Variants in MACROD1 observed in about 807,000 individuals in gnomAD.
MACROD1 encodes mono-ADP ribosylhydrolase 1.
MACROD1 carries 31 observed loss-of-function variants against 41.4 expected under a neutral mutation model. The observed-to-expected ratio is 0.75, with a 90% CI of 0.56 to 1.01. The LOEUF is 1.01. Among genes scored for constraint, MACROD1 ranks in the 50% least tolerant of loss-of-function variants. The pLI is 0.00. For missense variants in MACROD1, 473 were observed against 460.0 expected, an observed-to-expected ratio of 1.03 and a Z score of -0.26; for synonymous variants, 252 against 203.4, an observed-to-expected ratio of 1.24 and a Z score of -2.03.
At position 64,132,952 on chromosome 11, in the gene MACROD1, AG is replaced by A. The variant is rs778686797; in HGVS notation, c.517+18286del. Reference sequence around the variant, plus strand: ...TGGTGACGGAGTTAGCTCTGGAACCAGGTCTGTCCGGGTTCCCCCCACTGCC... The same window carrying A: ...TGGTGACGGAGTTAGCTCTGGAACCAGTCTGTCCGGGTTCCCCCCACTGCC... On this transcript the variant is annotated intron_variant, in intron 3 of 10. Coordinates refer to ENST00000255681, the MANE Select transcript of MACROD1 (RefSeq NM_014067.4). Among the ~76,000 whole-genome samples the A allele has an allele frequency of 1.6e-3, 241 of 152,336 alleles. 2 individuals carry two copies. The highest frequency in any genetic ancestry group is 3.4e-3 in the Middle Eastern group (1 of 294).
At chr11:64,148,517 A>T (rs1945528327) in intron 3 of MACROD1, among the ~76,000 whole-genome samples, 1 of 152,186 alleles carries the variant, frequency 6.6e-6, no homozygotes, top group African/African-American at 2.4e-5. Context: ...CTTCAAAAAT[A>T]TAAATTTAAA....
intron 3 of MACROD1, among the ~76,000 whole-genome samples, chr11:64,099,160 A>C (rs2134550683): frequency 6.6e-6 from 1 of 152,342 alleles, no homozygotes; most frequent in South Asian, 2.1e-4. Flanking sequence ...TGACTGTCAT[A>C]ACATGAGAGT....
At chr11:64,003,879 C>T (rs320157) in intron 4 of MACROD1, among the ~76,000 whole-genome samples, 3,653 of 152,296 alleles carry the variant, frequency 0.024, 136 homozygotes, top group African/African-American at 0.081. Context: ...GCCCTGGTGG[C>T]CTCTTGTTGC....
intron 3 of MACROD1, among the ~76,000 whole-genome samples, chr11:64,048,893 C>T (rs1353544342): frequency 2.0e-5 from 3 of 152,032 alleles, no homozygotes; most frequent in African/African-American, 7.3e-5. Flanking sequence ...CTTGCCCTGT[C>T]CCCACAGAGC....
At chr11:64,087,356 G>C (rs1944412706) in intron 3 of MACROD1, among the ~76,000 whole-genome samples, 1 of 152,078 alleles carries the variant, frequency 6.6e-6, no homozygotes. Flanking sequence ...TGCCACCCCT[G>C]CCACCCCTGC....
intron 3 of MACROD1, among the ~76,000 whole-genome samples, chr11:64,048,141 T>C (rs1187886275): frequency 6.6e-6 from 1 of 152,172 alleles, no homozygotes; most frequent in Non-Finnish European, 1.5e-5. Context: ...GCAGGGGCCC[T>C]GCCCCCACGA....
At chr11:64,014,744 C>T (rs1249889921) in intron 4 of MACROD1, among the ~76,000 whole-genome samples, 1 of 152,212 alleles carries the variant, frequency 6.6e-6, no homozygotes, top group Non-Finnish European at 1.5e-5. Flanking sequence ...GACCTCCTGC[C>T]TGCCTGGCCC....
chr11:64,074,385 T>G (rs1944164139), intron 3 of MACROD1, among the ~76,000 whole-genome samples: 1 of 152,200 alleles, frequency 6.6e-6, no homozygotes, highest in African/African-American at 2.4e-5. Context: ...CAGTTTCTAA[T>G]AGCAGCTTCC....
At chr11:64,165,620 C>T in intron 1 of MACROD1, 77 bp downstream of exon 1, 1 of 1,277,482 alleles carries the variant, frequency 7.8e-7, no homozygotes, top group Non-Finnish European at 1.0e-6. Flanking sequence ...GGGCTGCTCG[C>T]TCGTTGGGGG....
chr11:64,148,240 G>A (rs1195851971), intron 3 of MACROD1, among the ~76,000 whole-genome samples: 1 of 152,148 alleles, frequency 6.6e-6, no homozygotes, highest in Non-Finnish European at 1.5e-5. Context: ...ATGGAGGAGG[G>A]TGGGGGGTTG....
intron 3 of MACROD1, among the ~76,000 whole-genome samples, chr11:64,078,548 G>A (rs1272991793): frequency 6.6e-6 from 1 of 152,222 alleles, no homozygotes. Flanking sequence ...CTGTCTGGGT[G>A]GGCAGTGGTG....
chr11:64,011,738 C>T (rs1359070013), intron 4 of MACROD1, among the ~76,000 whole-genome samples: 2 of 151,122 alleles, frequency 1.3e-5, no homozygotes, highest in African/African-American at 2.4e-5. Flanking sequence ...TGTGCGTGTT[C>T]GAACAATGGG....
chr11:64,127,477 C>A (rs1406970863), intron 3 of MACROD1, among the ~76,000 whole-genome samples: 1 of 152,100 alleles, frequency 6.6e-6, no homozygotes, highest in Non-Finnish European at 1.5e-5. Flanking sequence ...CCCCGAGGGT[C>A]AGCTCTGTTC....
rs149750641 is a variant in MACROD1, at chr11:64,149,118, T to C, written c.517+2121A>G. The C allele has an allele frequency of 1.9e-5, 13 of 683,024 alleles. No individual in the cohort carries two copies. The East Asian group carries it at 1.5e-3, about 78-fold the overall frequency. The allele number at this position is 683,024 out of a possible 1,614,324, so 42.3% of individuals were successfully genotyped here. On this transcript the variant is annotated intron_variant, in intron 3 of 10. Transcript: ENST00000255681. Reference sequence around the variant, plus strand: ...GCAGGGGGAGGTGAAAGCTGATCATTTGCAGGAGGTACCATGTCCCTCGGC... The same window carrying C: ...GCAGGGGGAGGTGAAAGCTGATCATCTGCAGGAGGTACCATGTCCCTCGGC...
At chr11:64,136,759 G>A (rs530468459) in intron 3 of MACROD1, among the ~76,000 whole-genome samples, 17 of 152,340 alleles carry the variant, frequency 1.1e-4, no homozygotes, top group Admixed American at 9.8e-4. Flanking sequence ...AGAACACATC[G>A]TGACGTGGAA....
At chr11:64,095,923 G>A (rs1044014285) in intron 3 of MACROD1, among the ~76,000 whole-genome samples, 8 of 152,292 alleles carry the variant, frequency 5.3e-5, no homozygotes, top group South Asian at 2.1e-4. Context: ...CAGAGCCTGG[G>A]TTCTCTGACA....
At chr11:64,108,813 C>T (rs905794479) in intron 3 of MACROD1, among the ~76,000 whole-genome samples, 10 of 152,178 alleles carry the variant, frequency 6.6e-5, no homozygotes, top group African/African-American at 2.4e-4. Context: ...TGCAAGGGAC[C>T]CCACCTGGGG....
rs199812488 is a variant in MACROD1, at chr11:64,054,544, T to C, written c.518-39263A>G. On this transcript the variant is annotated intron_variant, in intron 3 of 10. Transcript: ENST00000255681. ...CTCTGCTCAGAGGTGCCTGATGGGGTGCAGAGTGGCAGCCAGCCAGCAGGC... is the reference window on the plus strand; with the variant it reads ...CTCTGCTCAGAGGTGCCTGATGGGGCGCAGAGTGGCAGCCAGCCAGCAGGC... 8.5e-5 allele frequency among the ~76,000 whole-genome samples: 13 copies of C among 152,106 alleles called. No homozygotes were observed. In the East Asian group the frequency reaches 2.5e-3, roughly 29 times the overall value.
intron 3 of MACROD1, among the ~76,000 whole-genome samples, chr11:64,044,570 T>C (rs1340365149): frequency 1.3e-5 from 2 of 152,174 alleles, no homozygotes; most frequent in Non-Finnish European, 2.9e-5. Flanking sequence ...GCACTATTAT[T>C]ATCCTGATTT....
Sources: allele counts gnomAD v4.1 joint callset (sites outside exome capture counted in the v4.1 genomes callset), GRCh38; gene constraint gnomAD v4.1.1; transcripts MANE v1.5; gene names NCBI Gene and HGNC (gene_info 2026-07-23, HGNC 2026-07-21).